Variants in MRTFB observed in about 807,000 individuals in gnomAD.
The protein encoded by MRTFB is myocardin-related transcription factor B.
Under a neutral mutation model 104.2 loss-of-function variants are expected in MRTFB, and 29 were observed. That is an observed-to-expected ratio of 0.28 (90% confidence interval 0.21 to 0.38). MRTFB has a LOEUF of 0.38. MRTFB is among the 10% of genes least tolerant of loss of function. The pLI is 1.00. For synonymous variants in MRTFB, 535 were observed against 519.5 expected (o/e 1.03, Z -0.41); for missense variants, 1,270 against 1,341.6 (o/e 0.95, Z 0.83).
At chr16:14,092,753 A>G (rs2035156902) in intron 2 of MRTFB, 2 of 152,230 alleles carry the variant, frequency 1.3e-5, no homozygotes, top group South Asian at 4.1e-4. Flanking sequence ...AGAGATGTTT[A>G]TAAAACACTT....
chr16:14,043,616 A>T, the MRTFB span, among the ~76,000 whole-genome samples: 2 of 152,198 alleles, frequency 1.3e-5, no homozygotes, highest in African/African-American at 4.8e-5. Flanking sequence ...AAGATATAGA[A>T]ACAAGGAAGA....
chr16:14,212,659 T>C (rs1158796623), intron 5 of MRTFB, among the ~76,000 whole-genome samples: 2 of 152,214 alleles, frequency 1.3e-5, no homozygotes, highest in African/African-American at 4.8e-5. Flanking sequence ...GAACAAATCA[T>C]ACTTCTTCGC....
At chr16:14,169,011 C>A (rs2157042) in intron 3 of MRTFB, among the ~76,000 whole-genome samples, 8,744 of 152,110 alleles carry the variant, frequency 0.057, 500 homozygotes, top group East Asian at 0.3. Flanking sequence ...TTTTCCAAAT[C>A]TTTTGCTCAT....
At chr16:14,043,050 G>A in the MRTFB span, among the ~76,000 whole-genome samples, 1 of 152,348 alleles carries the variant, frequency 6.6e-6, no homozygotes, top group East Asian at 1.9e-4. Flanking sequence ...AAAGGAACGG[G>A]TCCTCTGGGA....
At chr16:14,234,343 C>CT in intron 9 of MRTFB, 60 bp downstream of exon 9, 2 of 1,533,036 alleles carry the variant, frequency 1.3e-6, no homozygotes, top group Non-Finnish European at 1.8e-6. Context: ...GTCTATAACC[C>CT]TGTGAATGGA....
At chr16:14,248,639 TG>T in intron 12 of MRTFB, 1 of 297,192 alleles carries the variant, frequency 3.4e-6, no homozygotes, top group Non-Finnish European at 6.3e-6. Context: ...TGTGTAGAAC[TG>T]CCTTAGGTTC....
At chr16:14,219,088 A>G in intron 8 of MRTFB, 90 bp downstream of exon 8, 2 of 1,247,114 alleles carry the variant, frequency 1.6e-6, no homozygotes, top group Non-Finnish European at 2.1e-6. Context: ...CCAGAAGAAA[A>G]TTCTGAATTG....
chr16:14,165,095 T>C (rs2039187168), intron 3 of MRTFB, among the ~76,000 whole-genome samples: 1 of 152,056 alleles, frequency 6.6e-6, no homozygotes, highest in African/African-American at 2.4e-5. Flanking sequence ...GTTTCCGTGA[T>C]GAATCTTTTG....
At position 14,247,316 on chromosome 16, in the gene MRTFB, G is replaced by A. The variant is rs766106621; in HGVS notation, c.2056G>A (p.Val686Met). The A allele has an allele frequency of 6.2e-7, 1 of 1,614,214 alleles. No homozygotes were observed. Among genetic ancestry groups the A allele is most frequent in the Non-Finnish European group, 8.5e-7 (1 of 1,180,044 alleles). Residue 686 changes from valine to methionine, a missense_variant, in exon 12 of 17, where the codon GTG (valine) becomes ATG (methionine). Physicochemically the swap from Val to Met is conservative, Grantham distance 21. Transcript: ENST00000571589. ...KAVVIKQEVPVGQAEQQSVVS... is the reference protein window; with the variant it reads ...KAVVIKQEVPMGQAEQQSVVS... ...TGTAGTTATCAAGCAAGAGGTCCCTGTGGGCCAGGCAGAGCAGCAGAGTGT... is the reference window on the plus strand; with the variant it reads ...TGTAGTTATCAAGCAAGAGGTCCCTATGGGCCAGGCAGAGCAGCAGAGTGT...
chr16:14,077,220 G>T (rs1411983040), intron 1 of MRTFB, among the ~76,000 whole-genome samples: 1 of 152,162 alleles, frequency 6.6e-6, no homozygotes, highest in Non-Finnish European at 1.5e-5. Context: ...TTCTTTTAGT[G>T]CTTTTATGGT....
chr16:14,159,929 C>CAAAAAAAAAAAAAAAAAA (rs552159164), intron 3 of MRTFB, among the ~76,000 whole-genome samples: 3 of 55,630 alleles, frequency 5.4e-5, no homozygotes, highest in African/African-American at 1.0e-4. Context: ...GACTCCGTCT[C>CAAAAAAAAAAAAAAAAAA]AAAAAAAAAA....
At position 14,266,065 on chromosome 16, in the gene MRTFB, T is replaced by C. The variant is rs1369064412; in HGVS notation, c.*4621T>C. 6.6e-6 allele frequency: 1 copy of C among 152,218 alleles called. No homozygotes were observed. Among genetic ancestry groups the C allele is most frequent in the Non-Finnish European group, 1.5e-5 (1 of 68,036 alleles). The allele number at this position is 152,218 out of a possible 1,614,324, so 9.4% of individuals were successfully genotyped here. A position where few individuals can be genotyped will look rare whatever the true frequency, so the allele number is the denominator to read the frequency against. On this transcript the variant is annotated 3_prime_UTR_variant, in exon 17 of 17. Transcript: ENST00000571589. Reference sequence around the variant, plus strand: ...CTTGACCTCAAGTAACCAATAGTAATGCAAACTTGCTTTAAAGGAACCAAA... The same window carrying C: ...CTTGACCTCAAGTAACCAATAGTAACGCAAACTTGCTTTAAAGGAACCAAA...
intron 3 of MRTFB, chr16:14,143,591 A>G (rs944893018): frequency 2.2e-4 from 33 of 150,422 alleles, no homozygotes; most frequent in African/African-American, 7.1e-4. Flanking sequence ...TACATGCGCC[A>G]TGTTGGTGTG....
At chr16:14,017,566 C>A in the MRTFB span, among the ~76,000 whole-genome samples, 1 of 127,346 alleles carries the variant, frequency 7.9e-6, no homozygotes. Flanking sequence ...GTGTCCCTTG[C>A]AACGAAAAGA....
chr16:14,232,219 C>G (rs541493225), intron 8 of MRTFB, among the ~76,000 whole-genome samples: 2 of 152,290 alleles, frequency 1.3e-5, no homozygotes, highest in East Asian at 3.9e-4. Context: ...GATCAGAATT[C>G]AAACATTTTA....
chr16:14,029,222 C>T, the MRTFB span, among the ~76,000 whole-genome samples: 1 of 151,510 alleles, frequency 6.6e-6, no homozygotes, highest in African/African-American at 2.4e-5. Context: ...CCTGGGATCA[C>T]TTAAGCCCAG....
At chr16:14,098,790 T>C (rs918750576) in intron 2 of MRTFB, among the ~76,000 whole-genome samples, 3 of 152,240 alleles carry the variant, frequency 2.0e-5, no homozygotes, top group Non-Finnish European at 2.9e-5. Flanking sequence ...AAAGTTCATA[T>C]TTCTTGCATA....
the MRTFB span, among the ~76,000 whole-genome samples, chr16:14,017,593 G>GTATATA: frequency 1.5e-4 from 9 of 59,078 alleles, no homozygotes; most frequent in African/African-American, 4.0e-4. Context: ...ACTGACTACA[G>GTATATA]TATATATATA....
chr16:14,165,566 C>T (rs1182996219), intron 3 of MRTFB, among the ~76,000 whole-genome samples: 2 of 152,172 alleles, frequency 1.3e-5, no homozygotes, highest in Admixed American at 6.5e-5. Flanking sequence ...TCACTCTTTG[C>T]CATACATTAT....
Sources: gnomAD v4.1 joint callset for allele counts (sites outside exome capture counted in the v4.1 genomes callset) on GRCh38, gnomAD v4.1.1 for gene constraint, MANE v1.5 for transcripts, NCBI Gene and HGNC (gene_info 2026-07-23, HGNC 2026-07-21) for gene names.